Variants in SPMIP4 observed in about 807,000 individuals in gnomAD.
SPMIP4 encodes sperm microtubule inner protein 4, also known as sperm-associated microtubule inner protein 4.
chr7:25,136,502 A>G, the SPMIP4 span: 1 of 1,614,172 alleles, frequency 6.2e-7, no homozygotes, highest in Non-Finnish European at 8.5e-7. The surrounding 1 kb of genome is among the most constrained non-coding windows in gnomAD (Gnocchi z 5.7). Flanking sequence ...TTTGTTGGGT[A>G]ACAAGATGGG....
At chr7:25,161,904 G>A in the SPMIP4 span, among the ~76,000 whole-genome samples, 3,979 of 152,034 alleles carry the variant, frequency 0.026, 152 homozygotes, top group African/African-American at 0.088. Flanking sequence ...TTTTTCTTTG[G>A]TGGTAGGAAG....
the SPMIP4 span, among the ~76,000 whole-genome samples, chr7:25,127,643 CTGTT>C: frequency 6.6e-6 from 1 of 152,112 alleles, no homozygotes; most frequent in Non-Finnish European, 1.5e-5. Flanking sequence ...TTTGAATTCT[CTGTT>C]TGAAAAGTCA....
At chr7:25,134,780 A>T in the SPMIP4 span, 2 of 985,414 alleles carry the variant, frequency 2.0e-6, no homozygotes, top group Non-Finnish European at 2.4e-6. Context: ...TGTGTACACT[A>T]TATCTCCCTC....
At chr7:25,166,456 G>A in the SPMIP4 span, among the ~76,000 whole-genome samples, 63 of 150,728 alleles carry the variant, frequency 4.2e-4, no homozygotes, top group Non-Finnish European at 7.0e-4. Flanking sequence ...GCGTGGTGGC[G>A]GACGCCTGTA....
At chr7:25,142,348 A>C in the SPMIP4 span, 1 of 1,535,784 alleles carries the variant, frequency 6.5e-7, no homozygotes, top group Non-Finnish European at 8.9e-7. Flanking sequence ...TGGAAACATC[A>C]CCTTATTATT....
the SPMIP4 span, chr7:25,142,699 T>C: frequency 2.5e-6 from 4 of 1,613,252 alleles, no homozygotes; most frequent in Admixed American, 1.7e-5. Context: ...TCTTTGTATG[T>C]TGGCTTCTTT....
At chr7:25,172,435 T>G in the SPMIP4 span, among the ~76,000 whole-genome samples, 1 of 152,276 alleles carries the variant, frequency 6.6e-6, no homozygotes, top group East Asian at 1.9e-4. The surrounding 1 kb of genome is among the most constrained non-coding windows in gnomAD (Gnocchi z 4.2). Flanking sequence ...TAAAGACCTT[T>G]TAAGAATGTG....
chr7:25,155,034 T>C, the SPMIP4 span: 1 of 1,613,962 alleles, frequency 6.2e-7, no homozygotes, highest in African/African-American at 1.3e-5. Context: ...AACTGTTGAA[T>C]CATAAGCCTT....
At chr7:25,160,369 G>C in the SPMIP4 span, among the ~76,000 whole-genome samples, 1 of 143,726 alleles carries the variant, frequency 7.0e-6, no homozygotes, top group Admixed American at 7.2e-5. Context: ...CGTGATCTCG[G>C]CTCACTGCAA....
chr7:25,151,241 T>A, the SPMIP4 span, among the ~76,000 whole-genome samples: 1 of 78,290 alleles, frequency 1.3e-5, no homozygotes, highest in Non-Finnish European at 3.2e-5. Flanking sequence ...TTTTTTTTTT[T>A]AAACAGAGTT....
the SPMIP4 span, chr7:25,179,123 G>C: frequency 6.5e-7 from 1 of 1,529,988 alleles, no homozygotes; most frequent in African/African-American, 1.4e-5. Context: ...TAAAATACAC[G>C]AATACATTAA....
At chr7:25,157,503 G>T in the SPMIP4 span, among the ~76,000 whole-genome samples, 2 of 152,172 alleles carry the variant, frequency 1.3e-5, no homozygotes, top group Non-Finnish European at 1.5e-5. Context: ...CATGCCAACG[G>T]CATGTACCCT....
At chr7:25,149,168 T>C in the SPMIP4 span, among the ~76,000 whole-genome samples, 1 of 152,068 alleles carries the variant, frequency 6.6e-6, no homozygotes, top group Non-Finnish European at 1.5e-5. Flanking sequence ...CATGAGGAGG[T>C]AGCTGTAGGC....
At chr7:25,165,140 A>T in the SPMIP4 span, among the ~76,000 whole-genome samples, 2 of 152,360 alleles carry the variant, frequency 1.3e-5, no homozygotes, top group South Asian at 4.1e-4. Context: ...AGGAAATTAT[A>T]ACACCAATGA....
chr7:25,160,442 C>T, the SPMIP4 span, among the ~76,000 whole-genome samples: 377 of 152,106 alleles, frequency 2.5e-3, 2 homozygotes, highest in African/African-American at 8.5e-3. Flanking sequence ...GGGATTACAG[C>T]CGCCTGCCAT....
chr7:25,135,747 T>C, the SPMIP4 span: 3 of 1,192,532 alleles, frequency 2.5e-6, no homozygotes, highest in Non-Finnish European at 3.2e-6. Context: ...TTTTTCTAGT[T>C]CTAATATTTT....
the SPMIP4 span, among the ~76,000 whole-genome samples, chr7:25,167,313 C>T: frequency 6.6e-6 from 1 of 152,158 alleles, no homozygotes; most frequent in Non-Finnish European, 1.5e-5. Context: ...AATTGTCTGA[C>T]CCAAGGAAAG....
At chr7:25,126,974 G>GT in the SPMIP4 span, among the ~76,000 whole-genome samples, 1 of 152,134 alleles carries the variant, frequency 6.6e-6, no homozygotes, top group Non-Finnish European at 1.5e-5. Flanking sequence ...TAGGATAAAA[G>GT]TTTTTTCCCT....
the SPMIP4 span, among the ~76,000 whole-genome samples, chr7:25,155,459 T>C: frequency 6.6e-6 from 1 of 152,164 alleles, no homozygotes; most frequent in East Asian, 1.9e-4. Context: ...TCTTTGTCAG[T>C]GAGTAAGTTT....
Sources: gnomAD v4.1 joint callset for allele counts (sites outside exome capture counted in the v4.1 genomes callset) on GRCh38, gnomAD v4.1.1 for gene constraint, Gnocchi (gnomAD v3.1) non-coding constraint, MANE v1.5 for transcripts, NCBI Gene and HGNC (gene_info 2026-07-23, HGNC 2026-07-21) for gene names.